The following CBFA2T2 variants were observed in gnomAD, a reference collection of about 807,000 sequenced individuals.
The protein encoded by CBFA2T2 is CBFA2/RUNX1 partner transcriptional co-repressor 2, also known as protein CBFA2T2.
Under a neutral mutation model 62.2 loss-of-function variants are expected in CBFA2T2, and 11 were observed. That is an observed-to-expected ratio of 0.18 (90% CI 0.11 to 0.29). The LOEUF (loss-of-function observed/expected upper bound fraction) is 0.29, where lower values mean the gene tolerates loss of function less well. Among genes scored for constraint, CBFA2T2 ranks in the 10% least tolerant of loss-of-function variants. The pLI is 1.00. For synonymous variants in CBFA2T2, 295 were observed against 287.5 expected (o/e 1.03, Z -0.27); for missense variants, 592 against 774.1 (o/e 0.76, Z 2.79).
At chr20:33,542,666 C>T (rs1212361230) in intron 1 of CBFA2T2, among the ~76,000 whole-genome samples, 1 of 152,052 alleles carries the variant, frequency 6.6e-6, no homozygotes, top group Non-Finnish European at 1.5e-5. Flanking sequence ...GTCTTTCTTA[C>T]TAAGTCTTTT....
chr20:33,507,411 G>A (rs77121857), intron 1 of CBFA2T2, among the ~76,000 whole-genome samples: 4,194 of 152,166 alleles, frequency 0.028, 176 homozygotes, highest in African/African-American at 0.094. Context: ...TTTCAAAAAA[G>A]GCTTCTTAGA....
chr20:33,540,822 C>G (rs2012392376), intron 1 of CBFA2T2, among the ~76,000 whole-genome samples: 1 of 152,140 alleles, frequency 6.6e-6, no homozygotes, highest in Admixed American at 6.5e-5. Context: ...ATCTAGGGTA[C>G]TTGTTAGAAC....
intron 1 of CBFA2T2, among the ~76,000 whole-genome samples, chr20:33,499,643 G>A (rs151323437): frequency 0.016 from 2,383 of 152,240 alleles, 200 homozygotes; most frequent in Admixed American, 0.14. Flanking sequence ...TACGTCAGCC[G>A]AGTATGACTT....
chr20:33,491,889 A>T (rs1305064712), intron 1 of CBFA2T2, among the ~76,000 whole-genome samples: 1 of 150,346 alleles, frequency 6.7e-6, no homozygotes. Flanking sequence ...TTATTTTATT[A>T]TTTTTTTTGA....
intron 1 of CBFA2T2, among the ~76,000 whole-genome samples, chr20:33,530,402 C>CT (rs2012023039): frequency 6.6e-6 from 1 of 152,104 alleles, no homozygotes; most frequent in African/African-American, 2.4e-5. Context: ...ATTGAACCAG[C>CT]TTTTAGGTCT....
At chr20:33,515,295 G>C (rs1245673304) in intron 1 of CBFA2T2, among the ~76,000 whole-genome samples, 1 of 138,108 alleles carries the variant, frequency 7.2e-6, no homozygotes, top group Non-Finnish European at 1.5e-5. Flanking sequence ...AGGTTGCAGT[G>C]AGCCAAGATC....
intron 1 of CBFA2T2, among the ~76,000 whole-genome samples, chr20:33,575,111 A>G (rs1180582029): frequency 1.3e-5 from 2 of 152,188 alleles, no homozygotes; most frequent in Non-Finnish European, 1.5e-5. Flanking sequence ...TAAATTAGCA[A>G]ACCATATGGT....
chr20:33,569,357 T>C (rs1045194942), intron 1 of CBFA2T2, among the ~76,000 whole-genome samples: 4 of 152,234 alleles, frequency 2.6e-5, no homozygotes, highest in African/African-American at 9.6e-5. Flanking sequence ...TTTACACAAA[T>C]AATTGTTCTA....
chr20:33,498,867 AC>A (rs1256295870), intron 1 of CBFA2T2, among the ~76,000 whole-genome samples: 1 of 151,816 alleles, frequency 6.6e-6, no homozygotes, highest in Non-Finnish European at 1.5e-5. Flanking sequence ...ACATGGCAAA[AC>A]CCCGTCTCTT....
rs1042357383 is a variant in CBFA2T2, at chr20:33,647,480, C to T, written c.*2834C>T. 1 of 152,150 alleles carries T rather than the reference C, an allele frequency of 6.6e-6. No homozygotes were observed. Among genetic ancestry groups the T allele is most frequent in the Non-Finnish European group, 1.5e-5 (1 of 68,068 alleles). 9.4% of individuals were successfully genotyped at this position (152,150 alleles called of 1,614,324 possible). ...TGTATTTTTAGTAGAGACGGGGTTT[C>T]TCCTTGTTGGTCAGGCTGGTCTCAA... On this transcript the variant is annotated 3_prime_UTR_variant, in exon 11 of 11. Transcript: ENST00000342704.
At chr20:33,592,576 A>G (rs928154984) in intron 1 of CBFA2T2, among the ~76,000 whole-genome samples, 1 of 151,848 alleles carries the variant, frequency 6.6e-6, no homozygotes, top group African/African-American at 2.4e-5. Context: ...TTCATGCAAC[A>G]TCGCCAGGCA....
At chr20:33,621,360 G>A (rs949980067) in intron 4 of CBFA2T2, among the ~76,000 whole-genome samples, 5 of 140,500 alleles carry the variant, frequency 3.6e-5, no homozygotes, top group Admixed American at 2.2e-4. Context: ...GTGCAGTGGC[G>A]CGATCTCGGC....
chr20:33,632,180 A>C (rs1277602787), intron 8 of CBFA2T2, among the ~76,000 whole-genome samples: 2 of 152,062 alleles, frequency 1.3e-5, no homozygotes, highest in Non-Finnish European at 2.9e-5. Flanking sequence ...AGTAGCTGGG[A>C]TTACAGGCAC....
intron 1 of CBFA2T2, among the ~76,000 whole-genome samples, chr20:33,546,403 T>G (rs1406043553): frequency 6.6e-6 from 1 of 151,560 alleles, no homozygotes; most frequent in Non-Finnish European, 1.5e-5. Flanking sequence ...TTAATTTAGC[T>G]CAGCATGGCC....
chr20:33,546,280 C>T (rs1037884459), intron 1 of CBFA2T2, among the ~76,000 whole-genome samples: 14 of 151,982 alleles, frequency 9.2e-5, no homozygotes, highest in African/African-American at 3.4e-4. Context: ...AAAACCAGGC[C>T]TTAGCAGCCA....
chr20:33,605,942 CTGAG>C (rs756004850), intron 1 of CBFA2T2, among the ~76,000 whole-genome samples: 1 of 151,944 alleles, frequency 6.6e-6, no homozygotes, highest in Non-Finnish European at 1.5e-5. Context: ...CCTCAGCCTC[CTGAG>C]TAACTGGGAC....
chr20:33,599,873 C>T (rs555157660), intron 1 of CBFA2T2, among the ~76,000 whole-genome samples: 1 of 152,236 alleles, frequency 6.6e-6, no homozygotes, highest in South Asian at 2.1e-4. Flanking sequence ...GGATTACAGG[C>T]GTGAGCCACT....
rs1639953357 is a variant in CBFA2T2 at position 33,574,093 on chromosome 20, C to T, written c.35-32863C>T. On this transcript the variant is annotated intron_variant, in intron 1 of 10. Coordinates refer to ENST00000342704, the MANE Select transcript of CBFA2T2 (RefSeq NM_001032999.3). Reference sequence around the variant, plus strand: ...CAAGAGCCACCATACCAGTTCCTGTCTAGATATTATGATGAAGATTGAGGA... The same window carrying T: ...CAAGAGCCACCATACCAGTTCCTGTTTAGATATTATGATGAAGATTGAGGA... The T allele has an allele frequency of 1.5e-5, 23 of 1,518,992 alleles. No individual in the cohort carries two copies. The South Asian group carries it at 2.4e-4, about 16-fold the overall frequency. 94.1% of individuals were successfully genotyped at this position (1,518,992 alleles called of 1,614,324 possible).
At chr20:33,624,721 A>G (rs1185916955) in intron 5 of CBFA2T2, 43 bp from the exon 6 acceptor site, 1 of 1,602,252 alleles carries the variant, frequency 6.2e-7, no homozygotes. Flanking sequence ...CTGCATGAAC[A>G]CTTGTTGACA....
Sources: gnomAD v4.1 joint callset for allele counts (sites outside exome capture counted in the v4.1 genomes callset) on GRCh38, gnomAD v4.1.1 for gene constraint, MANE v1.5 for transcripts, NCBI Gene and HGNC (gene_info 2026-07-23, HGNC 2026-07-21) for gene names.